Variants in CHCT1 observed in about 807,000 individuals in gnomAD.
CHCT1 encodes the protein CHD1 helical C-terminal domain containing 1.
chr17:60,430,310 G>T, the CHCT1 span, among the ~76,000 whole-genome samples: 1 of 151,680 alleles, frequency 6.6e-6, no homozygotes, highest in Non-Finnish European at 1.5e-5. Flanking sequence ...TTGGCTAGAG[G>T]CTACATAAGA....
the CHCT1 span, chr17:60,426,052 C>A: frequency 7.5e-7 from 1 of 1,331,614 alleles, no homozygotes; most frequent in Non-Finnish European, 1.0e-6. Context: ...AAACACGCAG[C>A]ACTGGGCCAC....
chr17:60,431,035 G>GA, the CHCT1 span: 1 of 590,606 alleles, frequency 1.7e-6, no homozygotes, highest in Non-Finnish European at 3.0e-6. Flanking sequence ...GTTTCTGTGA[G>GA]AAAAAACTAA....
the CHCT1 span, chr17:60,426,398 A>T: frequency 3.4e-6 from 5 of 1,451,442 alleles, no homozygotes; most frequent in East Asian, 1.2e-4. Flanking sequence ...TCTTCATTCA[A>T]GGGGACACCT....
At chr17:60,428,240 C>T in the CHCT1 span, among the ~76,000 whole-genome samples, 1 of 152,082 alleles carries the variant, frequency 6.6e-6, no homozygotes, top group Non-Finnish European at 1.5e-5. Context: ...GGTAATTTGT[C>T]GCAGTCTTTA....
chr17:60,430,904 C>T, the CHCT1 span, among the ~76,000 whole-genome samples: 1 of 152,208 alleles, frequency 6.6e-6, no homozygotes, highest in East Asian at 1.9e-4. Context: ...CGAGGAAACT[C>T]GGGTCTTGCC....
At chr17:60,429,885 C>T in the CHCT1 span, among the ~76,000 whole-genome samples, 1 of 151,966 alleles carries the variant, frequency 6.6e-6, no homozygotes, top group Non-Finnish European at 1.5e-5. Context: ...AATGCAATGG[C>T]GCTATCTCGG....
chr17:60,421,333 G>T, the CHCT1 span: 1 of 978,376 alleles, frequency 1.0e-6, no homozygotes, highest in Non-Finnish European at 1.2e-6. Context: ...GGACTCAAAG[G>T]GTGCTCCTCC....
chr17:60,425,339 G>A, the CHCT1 span, among the ~76,000 whole-genome samples: 15 of 152,116 alleles, frequency 9.9e-5, no homozygotes, highest in Non-Finnish European at 1.3e-4. Flanking sequence ...ACGCCACCAT[G>A]CCCAGCTAAT....
At chr17:60,431,250 CAGAGACTGAACCGTA>C in the CHCT1 span, 3 of 1,603,906 alleles carry the variant, frequency 1.9e-6, no homozygotes, top group South Asian at 2.2e-5. Context: ...CCAGAAACTC[CAGAGACTGAACCGTA>C]AGAAGACCAA....
chr17:60,429,708 C>A, the CHCT1 span: 1 of 657,174 alleles, frequency 1.5e-6, no homozygotes, highest in Non-Finnish European at 2.4e-6. Context: ...CTCTTCATCC[C>A]GCATTTTCCT....
the CHCT1 span, chr17:60,422,433 G>T: frequency 2.0e-5 from 30 of 1,490,058 alleles, no homozygotes; most frequent in African/African-American, 1.7e-4. Flanking sequence ...GGAGCGGGGT[G>T]GGGGGCTGGG....
At chr17:60,422,620 G>A in the CHCT1 span, 1 of 1,549,744 alleles carries the variant, frequency 6.5e-7, no homozygotes. Context: ...GCAAGGGGGT[G>A]AAGGGGACAA....
the CHCT1 span, chr17:60,426,164 AAAG>A: frequency 6.4e-7 from 1 of 1,551,610 alleles, no homozygotes; most frequent in African/African-American, 1.4e-5. Flanking sequence ...TCCTCAGTGT[AAAG>A]AATACCTAAG....
chr17:60,426,510 C>A, the CHCT1 span: 1 of 1,050,534 alleles, frequency 9.5e-7, no homozygotes, highest in South Asian at 1.7e-5. Context: ...TGCACCTTGT[C>A]TCTGACTGAA....
chr17:60,431,261 C>T, the CHCT1 span: 20 of 1,600,528 alleles, frequency 1.2e-5, no homozygotes, highest in Non-Finnish European at 1.4e-5. Flanking sequence ...AGAGACTGAA[C>T]CGTAAGAAGA....
At chr17:60,426,849 C>A in the CHCT1 span, 1 of 1,565,032 alleles carries the variant, frequency 6.4e-7, no homozygotes, top group Non-Finnish European at 8.6e-7. Flanking sequence ...CCGAGCACAG[C>A]TGAGGGTTGG....
the CHCT1 span, chr17:60,425,949 G>A: frequency 7.1e-7 from 1 of 1,410,342 alleles, no homozygotes. Context: ...CCTGAGTCAG[G>A]AAATGGCAGG....
chr17:60,423,822 C>G, the CHCT1 span, among the ~76,000 whole-genome samples: 1 of 152,220 alleles, frequency 6.6e-6, no homozygotes, highest in Non-Finnish European at 1.5e-5. Context: ...CTCATCATCA[C>G]CATCATCCAC....
chr17:60,421,401 C>G, the CHCT1 span: 1 of 985,538 alleles, frequency 1.0e-6, no homozygotes, highest in Non-Finnish European at 1.2e-6. Flanking sequence ...TCTCCTGTGC[C>G]CGAGGTGGCC....
Sources: gnomAD v4.1 joint callset for allele counts (sites outside exome capture counted in the v4.1 genomes callset) on GRCh38, gnomAD v4.1.1 for gene constraint, MANE v1.5 for transcripts, NCBI Gene and HGNC (gene_info 2026-07-23, HGNC 2026-07-21) for gene names.